CERKL: variants seen among roughly 807,000 people sequenced by gnomAD.
CERKL encodes ceramide kinase-like protein.
A neutral mutation model predicts 63.4 loss-of-function variants in CERKL; 61 were observed. The observed-to-expected ratio is 0.96, with a 90% confidence interval of 0.78 to 1.19. The LOEUF (loss-of-function observed/expected upper bound fraction) is 1.19, where lower values mean the gene tolerates loss of function less well. CERKL is among the 50% of genes most tolerant of loss of function. The probability of loss-of-function intolerance (pLI) is 0.00; values close to 1 mark genes in which losing one functional copy is unlikely to be tolerated. For synonymous variants in CERKL, 250 were observed against 230.5 expected (o/e 1.08, Z -0.77); for missense variants, 675 against 655.5 (o/e 1.03, Z -0.33).
At chr2:181,635,515 T>C (rs1031157578) in intron 1 of CERKL, among the ~76,000 whole-genome samples, 1 of 152,164 alleles carries the variant, frequency 6.6e-6, no homozygotes, top group Non-Finnish European at 1.5e-5. Context: ...TTTTTATCTG[T>C]ATGATGAAAA....
chr2:181,657,016 G>C lies in CERKL; in HGVS notation c.-10C>G. ...GCCTCCTCCAGGGCATGGCGGAGTC[G>C]CAGGCTGGGCCCGAGCCAGGGGTCC... On this transcript the variant is annotated 5_prime_UTR_variant, in exon 1 of 13. Coordinates refer to ENST00000410087, the MANE Select transcript of CERKL (RefSeq NM_201548.5). 1 of 1,571,368 alleles carries C rather than the reference G, an allele frequency of 6.4e-7. No individual in the cohort carries two copies. Among genetic ancestry groups the C allele is most frequent in the Non-Finnish European group, 8.6e-7 (1 of 1,164,074 alleles).
At chr2:181,546,459 C>A (rs1687729943) in intron 10 of CERKL, among the ~76,000 whole-genome samples, 1 of 152,176 alleles carries the variant, frequency 6.6e-6, no homozygotes, top group Non-Finnish European at 1.5e-5. Flanking sequence ...GGAAAACCAC[C>A]AGGCTCAATT....
chr2:181,609,469 G>A (rs1478572122), intron 1 of CERKL, among the ~76,000 whole-genome samples: 2 of 145,022 alleles, frequency 1.4e-5, no homozygotes, highest in South Asian at 2.2e-4. Flanking sequence ...GCCGAGAAGG[G>A]CAGATCACCT....
intron 2 of CERKL, among the ~76,000 whole-genome samples, chr2:181,596,855 C>T (rs1433702998): frequency 6.6e-6 from 1 of 152,164 alleles, no homozygotes; most frequent in East Asian, 1.9e-4. Context: ...CTTATTTTAT[C>T]AGAACCTCTC....
intron 1 of CERKL, among the ~76,000 whole-genome samples, chr2:181,654,644 A>G (rs1688079124): frequency 6.6e-6 from 1 of 152,162 alleles, no homozygotes; most frequent in Non-Finnish European, 1.5e-5. Context: ...CCTCCCAAGT[A>G]CAGTAACTTT....
intron 2 of CERKL, among the ~76,000 whole-genome samples, chr2:181,575,900 G>A (rs1431990370): frequency 6.6e-6 from 1 of 152,100 alleles, no homozygotes; most frequent in African/African-American, 2.4e-5. Flanking sequence ...CTTCCTCAGT[G>A]AAGCCTTTCT....
intron 2 of CERKL, among the ~76,000 whole-genome samples, chr2:181,587,400 T>G (rs1684813025): frequency 1.3e-5 from 2 of 152,162 alleles, no homozygotes; most frequent in South Asian, 4.1e-4. Context: ...GCTAAGACTA[T>G]TTAAATAGAG....
chr2:181,564,606 G>A (rs929169705), intron 4 of CERKL, among the ~76,000 whole-genome samples: 1 of 152,098 alleles, frequency 6.6e-6, no homozygotes, highest in East Asian at 1.9e-4. Context: ...CCTTTACCCA[G>A]TACAAATACC....
chr2:181,590,711 T>C (rs1684957714), intron 2 of CERKL, among the ~76,000 whole-genome samples: 1 of 152,196 alleles, frequency 6.6e-6, no homozygotes. Flanking sequence ...TAAAACTATA[T>C]TGATATACCA....
In CERKL at chr2:181,537,761, TATCTAAAAACAGA is replaced by T. The variant is rs1687232739; in HGVS notation, c.*410_*422del. The T allele has an allele frequency of 2.2e-6, 1 of 447,368 alleles. No homozygotes were observed. Among genetic ancestry groups the T allele is most frequent in the Non-Finnish European group, 4.5e-6 (1 of 224,710 alleles). 27.7% of individuals were successfully genotyped at this position (447,368 alleles called of 1,614,324 possible). A position where few individuals can be genotyped will look rare whatever the true frequency, so the allele number is the denominator to read the frequency against. ...TTGTAAAAAAAAGAATTTGAATTGA[TATCTAAAAACAGA>T]ATTTGAATTGATATTTCATCTTGAC... On this transcript the variant is annotated 3_prime_UTR_variant, in exon 13 of 13. Transcript: ENST00000410087.
chr2:181,656,806 T>C lies in CERKL; in HGVS notation c.201A>G (p.Ala67=). Residue 67 remains alanine, a synonymous_variant, in exon 1 of 13, where the codon GCA becomes GCG. Coordinates refer to ENST00000410087, the MANE Select transcript of CERKL (RefSeq NM_201548.5). ...DSCDVVLSER[A]LRWRPIQPER... Reference sequence around the variant, plus strand: ...CGGGCTGAATGGGCCGCCACCGCAGTGCTCGCTCGCTCAGCACCACGTCAC... The same window carrying C: ...CGGGCTGAATGGGCCGCCACCGCAGCGCTCGCTCGCTCAGCACCACGTCAC... 3.1e-6 allele frequency: 5 copies of C among 1,596,508 alleles called. No individual in the cohort carries two copies. Among genetic ancestry groups the C allele is most frequent in the Non-Finnish European group, 4.3e-6 (5 of 1,168,928 alleles).
intron 2 of CERKL, among the ~76,000 whole-genome samples, chr2:181,596,931 A>G (rs1008395873): frequency 6.6e-6 from 1 of 152,224 alleles, no homozygotes; most frequent in Non-Finnish European, 1.5e-5. Flanking sequence ...TCATGTGTAC[A>G]TATGTCATAA....
intron 2 of CERKL, among the ~76,000 whole-genome samples, chr2:181,582,067 C>T (rs1177522695): frequency 6.6e-6 from 1 of 152,206 alleles, no homozygotes; most frequent in South Asian, 2.1e-4. Flanking sequence ...CCACCTCATA[C>T]ATCTTTGTCA....
At chr2:181,554,642 A>C (rs558467094) in intron 5 of CERKL, among the ~76,000 whole-genome samples, 1 of 152,234 alleles carries the variant, frequency 6.6e-6, no homozygotes, top group South Asian at 2.1e-4. Context: ...CCTAATGGCC[A>C]GCAGTTCAAA....
intron 1 of CERKL, among the ~76,000 whole-genome samples, chr2:181,647,016 A>G (rs753188256): frequency 1.1e-4 from 16 of 152,212 alleles, no homozygotes; most frequent in Non-Finnish European, 2.1e-4. Context: ...TTAGAATGGG[A>G]GAGTCTTGAA....
intron 4 of CERKL, among the ~76,000 whole-genome samples, chr2:181,563,235 C>T (rs928550328): frequency 1.2e-4 from 19 of 152,036 alleles, no homozygotes; most frequent in African/African-American, 4.1e-4. Context: ...TCCTAGGACA[C>T]ACTGCAGTGG....
chr2:181,630,222 C>A (rs759442802), intron 1 of CERKL, among the ~76,000 whole-genome samples: 1 of 151,722 alleles, frequency 6.6e-6, no homozygotes, highest in Non-Finnish European at 1.5e-5. Flanking sequence ...ACTCCCCCTG[C>A]CCCCCCAGAG....
intron 5 of CERKL, among the ~76,000 whole-genome samples, chr2:181,557,179 T>A (rs554594883): frequency 4.6e-5 from 7 of 152,212 alleles, no homozygotes; most frequent in Non-Finnish European, 8.8e-5. Flanking sequence ...ATTTTCTCCC[T>A]TTCTGTAGGT....
chr2:181,650,222 A>C (rs1256514500), intron 1 of CERKL: 1 of 152,202 alleles, frequency 6.6e-6, no homozygotes. Context: ...AAAACTGACA[A>C]CTTCACAAAT....
Sources: gnomAD v4.1 joint callset for allele counts (sites outside exome capture counted in the v4.1 genomes callset) on GRCh38, gnomAD v4.1.1 for gene constraint, MANE v1.5 for transcripts, NCBI Gene and HGNC (gene_info 2026-07-23, HGNC 2026-07-21) for gene names.